GRM5: variants seen among roughly 807,000 people sequenced by gnomAD.
GRM5 encodes glutamate metabotropic receptor 5.
A neutral mutation model predicts 83.1 loss-of-function variants in GRM5; 19 were observed. The observed-to-expected ratio is 0.23, with a 90% CI of 0.16 to 0.34. GRM5 has a LOEUF of 0.34. Among genes scored for constraint, GRM5 ranks in the 10% least tolerant of loss-of-function variants. GRM5 has a pLI of 1.00. For synonymous variants in GRM5, 675 were observed against 633.6 expected, an observed-to-expected ratio of 1.07 and a Z score of -0.98; for missense variants, 1,160 against 1,588.3, an observed-to-expected ratio of 0.73 and a Z score of 4.58.
chr11:88,795,610 T>A (rs1012308663), intron 3 of GRM5, among the ~76,000 whole-genome samples: 1 of 152,212 alleles, frequency 6.6e-6, no homozygotes, highest in Non-Finnish European at 1.5e-5. Context: ...TGCAAGCTTC[T>A]GTGATGAGTG....
In GRM5 at chr11:88,850,090, C is replaced by T. The variant is rs199573699; in HGVS notation, c.727G>A (p.Ala243Thr). 14 of 1,430,476 alleles carry T rather than the reference C, an allele frequency of 9.8e-6. No homozygotes were observed. The highest frequency in any genetic ancestry group is 1.4e-5 in the Non-Finnish European group (14 of 1,012,610). 88.6% of individuals were successfully genotyped at this position (1,430,476 alleles called of 1,614,324 possible). A position where few individuals can be genotyped will look rare whatever the true frequency, so the allele number is the denominator to read the frequency against. Residue 243 changes from alanine to threonine, a missense_variant, in exon 3 of 10, where the codon GCC becomes ACC. Transcript: ENST00000305447. Reference protein sequence around the residue: ...DMSAKEGICIAHSYKIYSNAG... With the variant: ...DMSAKEGICITHSYKIYSNAG... ...TTACTGTAGATTTTGTAAGAGTGGGCGATGCAAATCCCTTCCTTCGCTGAC... is the reference window on the plus strand; with the variant it reads ...TTACTGTAGATTTTGTAAGAGTGGGTGATGCAAATCCCTTCCTTCGCTGAC...
At chr11:88,602,697 A>G (rs1164564140) in intron 5 of GRM5, among the ~76,000 whole-genome samples, 1 of 152,226 alleles carries the variant, frequency 6.6e-6, no homozygotes, top group Non-Finnish European at 1.5e-5. Flanking sequence ...GAAGCCCAGG[A>G]GACAGAGTTA....
intron 4 of GRM5, among the ~76,000 whole-genome samples, chr11:88,649,451 A>ATTATATATTACATATATACTATATATAAT (rs1939572621): frequency 6.9e-6 from 1 of 144,000 alleles, no homozygotes; most frequent in Non-Finnish European, 1.5e-5. Context: ...TGTATTATAT[A>ATTATATATTACATATATACTATATATAAT]TTATATATTA....
intron 9 of GRM5, among the ~76,000 whole-genome samples, chr11:88,521,356 G>A (rs1941683673): frequency 6.6e-6 from 1 of 152,194 alleles, no homozygotes; most frequent in Non-Finnish European, 1.5e-5. Context: ...GGCAGAAGTT[G>A]CAGTGAGCCA....
In GRM5 at chr11:88,881,244, G is replaced by A. The variant is rs892947317; in HGVS notation, c.662-31089C>T. Among the ~76,000 whole-genome samples the A allele has an allele frequency of 2.6e-5, 4 of 151,374 alleles. No homozygotes were observed. The South Asian group carries it at 6.3e-4, about 24-fold the overall frequency. ...AAACTTTAATTTTTAATGGATTTGAGACTTTAAAAGTTTGAGACTGTCATA... is the reference window on the plus strand; with the variant it reads ...AAACTTTAATTTTTAATGGATTTGAAACTTTAAAAGTTTGAGACTGTCATA... On this transcript the variant is annotated intron_variant, in intron 2 of 9. Coordinates refer to ENST00000305447, the MANE Select transcript of GRM5 (RefSeq NM_001143831.3).
chr11:88,761,831 G>A (rs1942523748), intron 3 of GRM5, among the ~76,000 whole-genome samples: 1 of 129,720 alleles, frequency 7.7e-6, no homozygotes, highest in South Asian at 2.3e-4. Flanking sequence ...AACCAAAAAA[G>A]CATGGTACTG....
At chr11:88,717,867 ATT>A (rs1941434992) in intron 3 of GRM5, among the ~76,000 whole-genome samples, 2 of 18,954 alleles carry the variant, frequency 1.1e-4, no homozygotes, top group Non-Finnish European at 4.0e-4. Context: ...TATAATAACT[ATT>A]TATAGTTAGA....
At chr11:88,555,345 C>A (rs959043571) in intron 8 of GRM5, among the ~76,000 whole-genome samples, 3 of 152,046 alleles carry the variant, frequency 2.0e-5, no homozygotes, top group Non-Finnish European at 4.4e-5. Flanking sequence ...GAAGTCTTAC[C>A]CCATAAAATA....
At chr11:88,636,034 T>G (rs1939110096) in intron 4 of GRM5, among the ~76,000 whole-genome samples, 1 of 152,230 alleles carries the variant, frequency 6.6e-6, no homozygotes, top group Admixed American at 6.5e-5. Flanking sequence ...TCACTAGAAC[T>G]TAGTTTGTAA....
chr11:88,902,160 T>C (rs539093293), intron 2 of GRM5, among the ~76,000 whole-genome samples: 48 of 152,182 alleles, frequency 3.2e-4, no homozygotes, highest in Non-Finnish European at 5.6e-4. Context: ...TTTTTGTTTT[T>C]TTTTTGTTTG....
chr11:89,063,714 C>G (rs1310587389), intron 1 of GRM5: 3 of 152,056 alleles, frequency 2.0e-5, no homozygotes, highest in Non-Finnish European at 4.4e-5. Context: ...GGGGAGAGAG[C>G]GGAGGAGGGA....
intron 4 of GRM5, among the ~76,000 whole-genome samples, chr11:88,640,705 A>G (rs1939265728): frequency 6.6e-6 from 1 of 152,180 alleles, no homozygotes; most frequent in African/African-American, 2.4e-5. Context: ...CACAAAACTC[A>G]TAGAAACTTA....
At chr11:88,589,060 G>T (rs754295301) in intron 7 of GRM5, among the ~76,000 whole-genome samples, 2 of 152,102 alleles carry the variant, frequency 1.3e-5, no homozygotes, top group African/African-American at 4.8e-5. Context: ...CATTCACAAG[G>T]TGCTTAGCCA....
Position 88,837,714 on chromosome 11 carries a change from C to G in GRM5, c.911+12192G>C, listed in dbSNP as rs531868732. Among the ~76,000 whole-genome samples, 18 of 152,228 alleles carry G rather than the reference C, an allele frequency of 1.2e-4. No homozygotes were observed. The South Asian group carries it at 1.5e-3, about 12-fold the overall frequency. ...CCCCTGTTCATTTTCAGTTGTCAGACCTACAGCACCTCCCACGTCAACTGG... is the reference window on the plus strand; with the variant it reads ...CCCCTGTTCATTTTCAGTTGTCAGAGCTACAGCACCTCCCACGTCAACTGG... On this transcript the variant is annotated intron_variant, in intron 3 of 9. Transcript: ENST00000305447.
intron 1 of GRM5, among the ~76,000 whole-genome samples, chr11:89,061,089 A>G (rs1318383488): frequency 6.6e-6 from 1 of 152,168 alleles, no homozygotes; most frequent in African/African-American, 2.4e-5. Flanking sequence ...ACATATATGT[A>G]TATCAACATA....
At chr11:88,889,165 G>T (rs868525051) in intron 2 of GRM5, among the ~76,000 whole-genome samples, 2 of 152,116 alleles carry the variant, frequency 1.3e-5, no homozygotes, top group Admixed American at 1.3e-4. Flanking sequence ...GTAGCCTCCA[G>T]CTGTGTGACT....
At chr11:88,563,399 T>C (rs1022974619) in intron 8 of GRM5, among the ~76,000 whole-genome samples, 3 of 152,154 alleles carry the variant, frequency 2.0e-5, no homozygotes, top group African/African-American at 7.2e-5. Flanking sequence ...ATCTTAGATA[T>C]TATTATAGTC....
intron 8 of GRM5, among the ~76,000 whole-genome samples, chr11:88,527,124 AG>A (rs1053130870): frequency 6.6e-6 from 1 of 152,180 alleles, no homozygotes; most frequent in Non-Finnish European, 1.5e-5. Context: ...TTCAATGCAA[AG>A]TATTTTGTGC....
Position 88,567,555 on chromosome 11 carries a change from C to A in GRM5, c.2128G>T (p.Ala710Ser). ...TCAGGAGGCTCCATTATAAAGAGGG[C>A]AACGATGATGCCCAACTGGATGCAT... Reference protein sequence around the residue: ...LICIQLGIIVALFIMEPPDIM... With the variant: ...LICIQLGIIVSLFIMEPPDIM... Residue 710 changes from alanine (A) to serine (S), a missense_variant, in exon 8 of 10, where the codon GCC becomes TCC. Ala to Ser is a moderately conservative substitution (Grantham distance 99, BLOSUM62 1). Around this residue, in one of 9 missense-constraint regions of GRM5, gnomAD observed 44 missense variants for 41.0 expected, o/e 1.07. Coordinates refer to ENST00000305447, the MANE Select transcript of GRM5 (RefSeq NM_001143831.3). This position sits in a 1 kb window ranked among gnomAD's most constrained non-coding sequence, Gnocchi z 7.3. The A allele has an allele frequency of 6.2e-7, 1 of 1,614,006 alleles. No homozygotes were observed. The highest frequency in any genetic ancestry group is 8.5e-7 in the Non-Finnish European group (1 of 1,179,914).
Sources: allele counts gnomAD v4.1 joint callset (sites outside exome capture counted in the v4.1 genomes callset), GRCh38; gene constraint gnomAD v4.1.1; regional missense constraint gnomAD v4.1.1; non-coding constraint Gnocchi (gnomAD v3.1); transcripts MANE v1.5; gene names NCBI Gene and HGNC (gene_info 2026-07-23, HGNC 2026-07-21).